CEP128: variants seen among roughly 807,000 people sequenced by gnomAD.
CEP128 encodes the protein centrosomal protein 128.
A neutral mutation model predicts 156.7 loss-of-function variants in CEP128; 132 were observed. The observed-to-expected ratio is 0.84, with a 90% CI of 0.73 to 0.97. The LOEUF (loss-of-function observed/expected upper bound fraction) is 0.97, where lower values mean the gene tolerates loss of function less well. Ranked by LOEUF, CEP128 falls within the 50% of genes least tolerant of loss-of-function variation. The pLI, the probability that CEP128 is intolerant of heterozygous loss-of-function variation, is 0.00. For missense variants in CEP128, 1,252 were observed against 1,281.9 expected (o/e 0.98, Z 0.36); for synonymous variants, 469 against 448.9 (o/e 1.04, Z -0.57).
chr14:80,539,993 C>T (rs528075098), intron 21 of CEP128, among the ~76,000 whole-genome samples: 3 of 152,202 alleles, frequency 2.0e-5, no homozygotes, highest in East Asian at 1.9e-4. Context: ...TCTCTGCTCT[C>T]GAACCCTGTT....
chr14:80,719,709 A>G (rs1351431440), intron 19 of CEP128, among the ~76,000 whole-genome samples: 1 of 152,150 alleles, frequency 6.6e-6, no homozygotes, highest in Non-Finnish European at 1.5e-5. Context: ...TTTTATTACA[A>G]TTTGCCAATA....
intron 13 of CEP128, chr14:80,822,688 G>C (rs767687712): frequency 1.3e-5 from 11 of 815,502 alleles, no homozygotes; most frequent in Non-Finnish European, 1.9e-5. Flanking sequence ...TACCCAAAGG[G>C]AAAAAGGGAA....
At chr14:80,646,089 G>T (rs1229382913) in intron 19 of CEP128, among the ~76,000 whole-genome samples, 1 of 152,058 alleles carries the variant, frequency 6.6e-6, no homozygotes, top group African/African-American at 2.4e-5. Flanking sequence ...GGATTTTTAG[G>T]GCAGTGAAAC....
In CEP128 at chr14:80,852,859, G is replaced by A. The variant is rs74831170; in HGVS notation, c.762+9898C>T. Among the ~76,000 whole-genome samples the A allele has an allele frequency of 8.6e-5, 13 of 151,470 alleles. No individual in the cohort carries two copies. The East Asian group carries it at 2.5e-3, about 29-fold the overall frequency. ...TCTAAAACCAAAAACGTCAGTGCAA[G>A]GAAAACTAATCTCAATCATAAACAC... On this transcript the variant is annotated intron_variant, in intron 9 of 24. Transcript: ENST00000555265.
intron 15 of CEP128, among the ~76,000 whole-genome samples, chr14:80,780,188 T>G (rs1237687624): frequency 6.6e-6 from 1 of 152,204 alleles, no homozygotes; most frequent in Non-Finnish European, 1.5e-5. Context: ...TATCAGAGCT[T>G]ATTAGACTCA....
intron 19 of CEP128, among the ~76,000 whole-genome samples, chr14:80,592,693 CAA>C (rs1566798873): frequency 6.6e-6 from 1 of 152,000 alleles, no homozygotes; most frequent in African/African-American, 2.4e-5. Context: ...GGAGACACAA[CAA>C]AAAAAGAAAA....
chr14:80,936,022 C>A (rs773467506), intron 2 of CEP128, among the ~76,000 whole-genome samples: 4 of 152,180 alleles, frequency 2.6e-5, no homozygotes, highest in Non-Finnish European at 4.4e-5. Flanking sequence ...CAGTTCCAGG[C>A]TGTATTTTTG....
At chr14:80,792,729 A>C in intron 14 of CEP128, 31 bp downstream of exon 14, 5 of 1,566,180 alleles carry the variant, frequency 3.2e-6, no homozygotes, top group Non-Finnish European at 4.4e-6. Context: ...ATCACATTGA[A>C]AACCGTTCCT....
intron 18 of CEP128, among the ~76,000 whole-genome samples, chr14:80,744,473 G>C (rs1035154680): frequency 6.6e-6 from 1 of 152,000 alleles, no homozygotes; most frequent in African/African-American, 2.4e-5. Flanking sequence ...TGAAATAACC[G>C]TAAGTGCTAA....
At chr14:80,946,198 A>T (rs1886338490), upstream of CEP128, among the ~76,000 whole-genome samples, 1 of 152,194 alleles carries the variant, frequency 6.6e-6, no homozygotes, top group South Asian at 2.1e-4. Flanking sequence ...GTAAGCTGAC[A>T]TTATATGTAG....
At chr14:80,536,759 C>T (rs11621782) in intron 21 of CEP128, among the ~76,000 whole-genome samples, 33,084 of 152,096 alleles carry the variant, frequency 0.22, 3,986 homozygotes, top group African/African-American at 0.31. Context: ...ACCGAAGTCA[C>T]GGTGTTGATG....
Position 80,836,325 on chromosome 14 carries a change from G to A in CEP128, c.937C>T (p.Arg313Cys), listed in dbSNP as rs1272859247. 1.9e-6 allele frequency: 3 copies of A among 1,613,732 alleles called. No homozygotes were observed. The highest frequency in any genetic ancestry group is 2.7e-5 in the African/African-American group (2 of 74,890). The change falls in exon 12 of 25, where the codon CGT becomes TGT. Residue 313 changes from arginine to cysteine, a missense_variant. By Grantham distance (180) the Arg-to-Cys change is radical (BLOSUM62 -3). Coordinates refer to ENST00000555265, the MANE Select transcript of CEP128 (RefSeq NM_152446.5). ...ETLLHQVEEL[R>C]TQLTKAEGDR... Reference sequence around the variant, plus strand: ...CCTTCTGCTTTCGTAAGTTGTGTACGCAGTTCTTCTACCTAACACATGGTC... The same window carrying A: ...CCTTCTGCTTTCGTAAGTTGTGTACACAGTTCTTCTACCTAACACATGGTC...
intron 19 of CEP128, among the ~76,000 whole-genome samples, chr14:80,620,641 G>A (rs574945504): frequency 7.6e-4 from 115 of 152,224 alleles, no homozygotes; most frequent in African/African-American, 2.5e-3. Context: ...AAACAATTAC[G>A]TAATACTGAA....
chr14:80,574,926 G>A (rs1348990111), intron 20 of CEP128, among the ~76,000 whole-genome samples: 1 of 151,926 alleles, frequency 6.6e-6, no homozygotes, highest in Non-Finnish European at 1.5e-5. Context: ...ATTTTTCAAA[G>A]CCAACTGATA....
chr14:80,596,674 G>A (rs1424185302), intron 19 of CEP128, among the ~76,000 whole-genome samples: 1 of 151,628 alleles, frequency 6.6e-6, no homozygotes, highest in Non-Finnish European at 1.5e-5. Context: ...TTAGCTGGGT[G>A]TAGTGGCTTG....
chr14:80,613,829 A>G (rs1441109734), intron 19 of CEP128, among the ~76,000 whole-genome samples: 1 of 152,152 alleles, frequency 6.6e-6, no homozygotes, highest in Non-Finnish European at 1.5e-5. Context: ...GGCAGAAGAC[A>G]GCAAATAGGG....
chr14:80,503,911 T>G (rs1265534867), intron 24 of CEP128, among the ~76,000 whole-genome samples: 1 of 152,178 alleles, frequency 6.6e-6, no homozygotes, highest in Non-Finnish European at 1.5e-5. Context: ...AAATATTTAT[T>G]CAATGAATCC....
intron 19 of CEP128, among the ~76,000 whole-genome samples, chr14:80,725,150 T>C (rs1897973074): frequency 6.6e-6 from 1 of 150,712 alleles, no homozygotes; most frequent in South Asian, 2.1e-4. Flanking sequence ...ATTCTCGAGT[T>C]TAGGTTTACT....
Position 80,695,188 on chromosome 14 carries a change from G to A in CEP128, c.2806+47887C>T, listed in dbSNP as rs192028668. Among the ~76,000 whole-genome samples, 411 of 149,784 alleles carry A rather than the reference G, an allele frequency of 2.7e-3. 2 individuals are homozygous for A. The highest frequency in any genetic ancestry group is 9.3e-3 in the African/African-American group (376 of 40,426). Reference sequence around the variant, plus strand: ...TGCCCATCATGGGAAAATGTGGAACGAAAGAAATAGAAAAGAAAAGAAAAA... The same window carrying A: ...TGCCCATCATGGGAAAATGTGGAACAAAAGAAATAGAAAAGAAAAGAAAAA... On this transcript the variant is annotated intron_variant, in intron 19 of 24. Coordinates refer to ENST00000555265, the MANE Select transcript of CEP128 (RefSeq NM_152446.5).
Sources: gnomAD v4.1 joint callset for allele counts (sites outside exome capture counted in the v4.1 genomes callset) on GRCh38, gnomAD v4.1.1 for gene constraint, MANE v1.5 for transcripts, NCBI Gene and HGNC (gene_info 2026-07-23, HGNC 2026-07-21) for gene names.